The following STPG2 variants were observed in gnomAD, a reference collection of about 807,000 sequenced individuals.
STPG2 encodes the protein sperm-tail PG-rich repeat-containing protein 2.
STPG2 carries 56 observed loss-of-function variants against 54.2 expected under a neutral mutation model. That is an observed-to-expected ratio of 1.03 (90% CI 0.83 to 1.29). The LOEUF (loss-of-function observed/expected upper bound fraction) is 1.29. Ranked by LOEUF, STPG2 falls within the 50% of genes most tolerant of loss-of-function variation. The probability of loss-of-function intolerance (pLI) is 0.00; values close to 1 mark genes in which losing one functional copy is unlikely to be tolerated. For synonymous variants in STPG2, 200 were observed against 181.8 expected (o/e 1.10, Z -0.81); for missense variants, 596 against 544.9 (o/e 1.09, Z -0.93).
chr4:97,501,040 A>T, intron 4 of STPG2, among the ~76,000 whole-genome samples: 1 of 152,048 alleles, frequency 6.6e-6, no homozygotes, highest in East Asian at 1.9e-4. Context: ...AGAGATAGAA[A>T]ATGTTGATGA....
At chr4:97,519,220 C>G (rs1014652145) in intron 4 of STPG2, among the ~76,000 whole-genome samples, 2 of 151,894 alleles carry the variant, frequency 1.3e-5, no homozygotes, top group African/African-American at 4.8e-5. Flanking sequence ...CAATAAAGAT[C>G]CTGTACCCTG....
At chr4:97,927,101 T>C (rs1002689976) in intron 8 of STPG2, among the ~76,000 whole-genome samples, 1 of 152,154 alleles carries the variant, frequency 6.6e-6, no homozygotes, top group African/African-American at 2.4e-5. Flanking sequence ...CCAAAGCTTT[T>C]GCTGTTAAAC....
chr4:97,744,686 G>A (rs941062225), intron 9 of STPG2, among the ~76,000 whole-genome samples: 2 of 151,316 alleles, frequency 1.3e-5, no homozygotes, highest in Admixed American at 1.3e-4. Context: ...AATTGGCACA[G>A]CAGGAAATTA....
intron 8 of STPG2, among the ~76,000 whole-genome samples, chr4:97,860,971 C>G (rs1438183382): frequency 6.6e-6 from 1 of 152,040 alleles, no homozygotes; most frequent in Non-Finnish European, 1.5e-5. Context: ...CAAGCACAGA[C>G]AACTAAAGGA....
At chr4:97,576,326 G>C (rs1004619575) in intron 10 of STPG2, among the ~76,000 whole-genome samples, 1 of 144,438 alleles carries the variant, frequency 6.9e-6, no homozygotes, top group Non-Finnish European at 1.5e-5. Context: ...TAACAAAACA[G>C]AACAAAGTTA....
chr4:97,480,139 T>C (rs772325746), intron 4 of STPG2, among the ~76,000 whole-genome samples: 5 of 151,624 alleles, frequency 3.3e-5, no homozygotes, highest in Non-Finnish European at 5.9e-5. Flanking sequence ...GATCTATAGA[T>C]ATTAGACAAA....
At chr4:97,535,347 C>CT (rs1731504562) in intron 4 of STPG2, among the ~76,000 whole-genome samples, 1 of 152,140 alleles carries the variant, frequency 6.6e-6, no homozygotes, top group Non-Finnish European at 1.5e-5. Flanking sequence ...GTAGTGCTGT[C>CT]TTTCTTCCTT....
intron 9 of STPG2, among the ~76,000 whole-genome samples, chr4:97,816,941 CATG>C (rs1404634838): frequency 1.4e-5 from 2 of 147,236 alleles, no homozygotes; most frequent in Non-Finnish European, 3.0e-5. Context: ...CATTTATACA[CATG>C]TGTGTAGAAA....
At position 97,632,451 on chromosome 4, in the gene STPG2, T is replaced by A. The variant is rs574994489; in HGVS notation, c.1321-73334A>T. Among the ~76,000 whole-genome samples, 17 of 152,218 alleles carry A rather than the reference T, an allele frequency of 1.1e-4. No individual in the cohort carries two copies. In the South Asian group the frequency reaches 2.9e-3, roughly 26 times the overall value. ...AAAATCATCAATTAGTATCACTATT[T>A]ACTCATAATGTGAGAAGAAATTCTA... On this transcript the variant is annotated intron_variant, in intron 10 of 10. Coordinates refer to ENST00000295268, the MANE Select transcript of STPG2 (RefSeq NM_174952.3).
chr4:98,022,686 G>C (rs1208553138), intron 5 of STPG2, among the ~76,000 whole-genome samples: 1 of 152,080 alleles, frequency 6.6e-6, no homozygotes, highest in East Asian at 1.9e-4. Context: ...TTTTCACATA[G>C]TCCCATATTT....
intron 5 of STPG2, among the ~76,000 whole-genome samples, chr4:97,997,668 T>C (rs1735286078): frequency 6.6e-6 from 1 of 152,204 alleles, no homozygotes; most frequent in Admixed American, 6.5e-5. Context: ...TGGAATACTA[T>C]GCAGCCATAC....
At position 97,611,943 on chromosome 4, in the gene STPG2, A is replaced by C. The variant is rs865869134; in HGVS notation, c.1321-52826T>G. Among the ~76,000 whole-genome samples, 5 of 152,076 alleles carry C rather than the reference A, an allele frequency of 3.3e-5. No individual in the cohort carries two copies. In the Middle Eastern group the frequency reaches 0.01, roughly 312 times the overall value. ...AAGTAGAAGAAGCACTCACAGAGAG[A>C]AAGAGTGAATCTCTGAAATTATGTA... On this transcript the variant is annotated intron_variant, in intron 10 of 10. Coordinates refer to ENST00000295268, the MANE Select transcript of STPG2 (RefSeq NM_174952.3).
intron 5 of STPG2, among the ~76,000 whole-genome samples, chr4:97,996,802 A>G (rs759639149): frequency 2.4e-4 from 36 of 152,180 alleles, no homozygotes; most frequent in Non-Finnish European, 3.8e-4. Flanking sequence ...TGCAAAAGAA[A>G]ACATGCAACA....
intron 9 of STPG2, among the ~76,000 whole-genome samples, chr4:97,764,898 T>A (rs1390102019): frequency 6.6e-6 from 1 of 152,092 alleles, no homozygotes; most frequent in African/African-American, 2.4e-5. Context: ...CATAGCTGAA[T>A]CCAGAAAAAG....
At chr4:97,873,975 A>G (rs150667306) in intron 8 of STPG2, among the ~76,000 whole-genome samples, 299 of 151,678 alleles carry the variant, frequency 2.0e-3, no homozygotes, top group African/African-American at 7.1e-3. Context: ...TATTTTCTTT[A>G]TATTTTTTCT....
intron 10 of STPG2, 148 bp downstream of exon 10, chr4:97,712,551 T>C (rs1724156856): frequency 1.7e-5 from 8 of 467,640 alleles, no homozygotes; most frequent in Non-Finnish European, 2.2e-5. Flanking sequence ...TCAGACCACA[T>C]CTTCAAAAAT....
intron 10 of STPG2, among the ~76,000 whole-genome samples, chr4:97,708,361 A>C (rs750737939): frequency 3.3e-5 from 5 of 152,076 alleles, no homozygotes; most frequent in Non-Finnish European, 5.9e-5. Flanking sequence ...ATTTCTAAAA[A>C]AATTACAGAT....
intron 10 of STPG2, among the ~76,000 whole-genome samples, chr4:97,689,300 T>A (rs983792601): frequency 6.6e-6 from 1 of 152,136 alleles, no homozygotes; most frequent in Non-Finnish European, 1.5e-5. Context: ...ATAAACACAA[T>A]AAATATTTTG....
intron 4 of STPG2, among the ~76,000 whole-genome samples, chr4:97,518,429 G>A (rs1168770023): frequency 6.6e-6 from 1 of 152,002 alleles, no homozygotes; most frequent in South Asian, 2.1e-4. Context: ...TATAAAACAA[G>A]GTTAAAAGTT....
Sources: gnomAD v4.1 joint callset for allele counts (sites outside exome capture counted in the v4.1 genomes callset) on GRCh38, gnomAD v4.1.1 for gene constraint, MANE v1.5 for transcripts, NCBI Gene and HGNC (gene_info 2026-07-23, HGNC 2026-07-21) for gene names.